The following FAM171B variants were observed in gnomAD, a reference collection of about 807,000 sequenced individuals.
The protein encoded by FAM171B is protein FAM171B.
Under a neutral mutation model 75.6 loss-of-function variants are expected in FAM171B, and 19 were observed. The observed-to-expected ratio is 0.25, with a 90% CI of 0.18 to 0.37. The LOEUF (loss-of-function observed/expected upper bound fraction) is 0.37. FAM171B is among the 10% of genes least tolerant of loss of function. The pLI is 1.00. For missense variants in FAM171B, 848 were observed against 982.4 expected, an observed-to-expected ratio of 0.86 and a Z score of 1.83; for synonymous variants, 367 against 361.7, an observed-to-expected ratio of 1.01 and a Z score of -0.17.
chr2:186,759,729 G>A (rs181205927), intron 6 of FAM171B, among the ~76,000 whole-genome samples: 300 of 151,878 alleles, frequency 2.0e-3, no homozygotes, highest in Non-Finnish European at 3.4e-3. Flanking sequence ...ATATATTCTG[G>A]TTATTTTCTC....
chr2:186,728,856 C>T (rs1690072270), intron 1 of FAM171B, among the ~76,000 whole-genome samples: 1 of 152,246 alleles, frequency 6.6e-6, no homozygotes, highest in African/African-American at 2.4e-5. Context: ...ATGTCAGAGT[C>T]TCTTGAAAAG....
At chr2:186,695,208 G>A (rs1001607093) in intron 1 of FAM171B, 5 of 152,222 alleles carry the variant, frequency 3.3e-5, no homozygotes, top group Admixed American at 6.5e-5. Context: ...CAGTGAAGGT[G>A]TAGAAATACG....
intron 1 of FAM171B, among the ~76,000 whole-genome samples, chr2:186,731,126 C>T (rs1438818225): frequency 6.6e-6 from 1 of 152,190 alleles, no homozygotes; most frequent in African/African-American, 2.4e-5. Flanking sequence ...TTAATTCCTT[C>T]ACATTCTGTA....
intron 1 of FAM171B, among the ~76,000 whole-genome samples, chr2:186,703,615 C>A (rs925004721): frequency 6.6e-6 from 1 of 152,112 alleles, no homozygotes; most frequent in East Asian, 1.9e-4. Context: ...CAGGAGTTAG[C>A]GACAGCAGAT....
intron 2 of FAM171B, among the ~76,000 whole-genome samples, chr2:186,743,054 A>C (rs1357601224): frequency 3.3e-5 from 5 of 152,212 alleles, no homozygotes; most frequent in Admixed American, 6.5e-5. Context: ...GGAAGGTAAA[A>C]GTGAAAAGTG....
chr2:186,699,390 C>T (rs1486927840), intron 1 of FAM171B, among the ~76,000 whole-genome samples: 3 of 152,076 alleles, frequency 2.0e-5, no homozygotes, highest in African/African-American at 7.2e-5. Flanking sequence ...ATGTTGAGAC[C>T]TTTTCATATA....
At position 186,764,827 on chromosome 2, in the gene FAM171B, A is replaced by G. The variant is rs1439510950; in HGVS notation, c.*2004A>G. ...ATTGTTTATGTTGGAATGAAGTTAGAAACTATATAGCAAAACATTATATTT... is the reference window on the plus strand; with the variant it reads ...ATTGTTTATGTTGGAATGAAGTTAGGAACTATATAGCAAAACATTATATTT... On this transcript the variant is annotated 3_prime_UTR_variant, in exon 8 of 8. Transcript: ENST00000304698. 3 of 151,932 alleles carry G rather than the reference A, an allele frequency of 2.0e-5. No homozygotes were observed. The highest frequency in any genetic ancestry group is 6.6e-5 in the Admixed American group (1 of 15,216). 9.4% of individuals were successfully genotyped at this position (151,932 alleles called of 1,614,324 possible).
chr2:186,729,264 A>G (rs187473843), intron 1 of FAM171B, among the ~76,000 whole-genome samples: 2 of 152,312 alleles, frequency 1.3e-5, no homozygotes, highest in East Asian at 3.9e-4. Flanking sequence ...GATATGTTGA[A>G]AAGATGATTA....
chr2:186,724,153 A>G (rs35986780), intron 1 of FAM171B, among the ~76,000 whole-genome samples: 34,141 of 152,120 alleles, frequency 0.22, 4,687 homozygotes, highest in South Asian at 0.32. Flanking sequence ...CTTGTCATGA[A>G]GCCTGGAGCT....
Position 186,761,556 on chromosome 2 carries a change from C to T in FAM171B, c.1214C>T (p.Ser405Leu). Reference protein sequence around the residue: ...LEVLKRDQTTSTTHINHISTV... With the variant: ...LEVLKRDQTTLTTHINHISTV... The stretch of plus-strand genomic sequence containing the variant: ...GTCCTCAAGAGAGACCAGACAACTT[C>T]AACAACACACATAAATCATATCAGT... Residue 405 changes from serine to leucine, a missense_variant, in exon 8 of 8, where the codon TCA (serine) becomes TTA (leucine). By Grantham distance (145) the Ser-to-Leu change is moderately radical (BLOSUM62 -2). Coordinates refer to ENST00000304698, the MANE Select transcript of FAM171B (RefSeq NM_177454.4). The T allele has an allele frequency of 6.2e-7, 1 of 1,608,916 alleles. No individual in the cohort carries two copies. Among genetic ancestry groups the T allele is most frequent in the Non-Finnish European group, 8.5e-7 (1 of 1,178,596 alleles).
Position 186,744,146 on chromosome 2 carries a change from C to T in FAM171B, c.565+571C>T, listed in dbSNP as rs140337112. 3.6e-4 allele frequency among the ~76,000 whole-genome samples: 55 copies of T among 152,316 alleles called. No homozygotes were observed. In the East Asian group the frequency reaches 9.6e-3, roughly 27 times the overall value. On this transcript the variant is annotated intron_variant, in intron 3 of 7. Transcript: ENST00000304698. ...GATTGTTTCATCCTAACTCCCCGCACGCCTTAGAAACCTCAGAATTCTGTG... is the reference window on the plus strand; with the variant it reads ...GATTGTTTCATCCTAACTCCCCGCATGCCTTAGAAACCTCAGAATTCTGTG...
intron 3 of FAM171B, 78 bp from the exon 4 acceptor site, chr2:186,747,014 A>G: frequency 9.3e-7 from 1 of 1,072,722 alleles, no homozygotes; most frequent in Non-Finnish European, 1.3e-6. Flanking sequence ...TGCTTCTTTT[A>G]AAGTAAGACA....
chr2:186,753,630 G>A (rs1040537902), intron 5 of FAM171B, among the ~76,000 whole-genome samples: 1 of 152,098 alleles, frequency 6.6e-6, no homozygotes, highest in Non-Finnish European at 1.5e-5. Context: ...GGCCAGACTG[G>A]TCTTGAACAC....
chr2:186,702,968 TA>T (rs1254164009), intron 1 of FAM171B, among the ~76,000 whole-genome samples: 1 of 152,054 alleles, frequency 6.6e-6, no homozygotes, highest in African/African-American at 2.4e-5. Flanking sequence ...AAAATTTAAG[TA>T]AATATTTCAT....
At chr2:186,730,467 C>G (rs1057441872) in intron 1 of FAM171B, among the ~76,000 whole-genome samples, 1 of 152,134 alleles carries the variant, frequency 6.6e-6, no homozygotes, top group Non-Finnish European at 1.5e-5. Flanking sequence ...AAGGAGGAAA[C>G]AACTGCAAGT....
At chr2:186,711,568 T>C (rs528731026) in intron 1 of FAM171B, among the ~76,000 whole-genome samples, 17 of 152,310 alleles carry the variant, frequency 1.1e-4, no homozygotes, top group Non-Finnish European at 2.4e-4. Context: ...GTTCCAGTCA[T>C]TCCCAAGATC....
intron 6 of FAM171B, among the ~76,000 whole-genome samples, chr2:186,759,252 A>G (rs936725055): frequency 6.6e-6 from 1 of 152,134 alleles, no homozygotes; most frequent in Non-Finnish European, 1.5e-5. Context: ...CCGTGCTGCA[A>G]TGAACATGGG....
At chr2:186,696,594 C>T (rs1033718758) in intron 1 of FAM171B, among the ~76,000 whole-genome samples, 30 of 149,166 alleles carry the variant, frequency 2.0e-4, no homozygotes, top group African/African-American at 7.0e-4. Flanking sequence ...CTTTTCCTCC[C>T]GTCTCCTTTA....
chr2:186,727,325 A>G (rs1053840766), intron 1 of FAM171B, among the ~76,000 whole-genome samples: 4 of 152,178 alleles, frequency 2.6e-5, no homozygotes, highest in Non-Finnish European at 5.9e-5. Flanking sequence ...CATACTTTGA[A>G]GGATAGGTTA....
Sources: gnomAD v4.1 joint callset for allele counts (sites outside exome capture counted in the v4.1 genomes callset) on GRCh38, gnomAD v4.1.1 for gene constraint, MANE v1.5 for transcripts, NCBI Gene and HGNC (gene_info 2026-07-23, HGNC 2026-07-21) for gene names.